MPDZ: variants seen among roughly 807,000 people sequenced by gnomAD.
MPDZ encodes the protein multiple PDZ domain crumbs cell polarity complex component.
MPDZ carries 234 observed loss-of-function variants against 239.1 expected under a neutral mutation model. That is an observed-to-expected ratio of 0.98 (90% confidence interval 0.88 to 1.09). The LOEUF is 1.09. MPDZ is among the 50% of genes least tolerant of loss of function. The probability of loss-of-function intolerance (pLI) is 0.00; values close to 1 mark genes in which losing one functional copy is unlikely to be tolerated. For synonymous variants in MPDZ, 1,048 were observed against 881.3 expected, an observed-to-expected ratio of 1.19 and a Z score of -3.35; for missense variants, 3,175 against 2,510.0, an observed-to-expected ratio of 1.26 and a Z score of -5.66.
chr9:13,200,483 T>C (rs1341710857), intron 12 of MPDZ, among the ~76,000 whole-genome samples: 3 of 152,062 alleles, frequency 2.0e-5, no homozygotes, highest in Non-Finnish European at 4.4e-5. Flanking sequence ...TGGTTTGTTC[T>C]TGCTCTTCTA....
intron 1 of MPDZ, among the ~76,000 whole-genome samples, chr9:13,261,784 C>T (rs982851966): frequency 4.7e-5 from 7 of 149,396 alleles, no homozygotes; most frequent in Non-Finnish European, 8.9e-5. Flanking sequence ...GTAAGCCCAG[C>T]ATTTTGAGAA....
In MPDZ at chr9:13,224,244, A is replaced by G. The variant is rs530351983; in HGVS notation, c.393+130T>C. 1.4e-5 allele frequency: 12 copies of G among 846,498 alleles called. No individual in the cohort carries two copies. The African/African-American group carries it at 1.9e-4, about 13-fold the overall frequency. The allele number at this position is 846,498 out of a possible 1,614,324, so 52.4% of individuals were successfully genotyped here. A position where few individuals can be genotyped will look rare whatever the true frequency, so the allele number is the denominator to read the frequency against. On this transcript the variant is annotated intron_variant, in intron 4 of 46. Transcript: ENST00000319217. ...CGTCTGAACCATCTAAACTCCCACA[A>G]AACTGACTTTTTGTTCCAATGTTTT...
chr9:13,139,806 T>G, intron 28 of MPDZ, 181 bp downstream of exon 28: 1 of 705,492 alleles, frequency 1.4e-6, no homozygotes, highest in Non-Finnish European at 2.5e-6. Context: ...AAGAGCATGA[T>G]TTCATGCCTC....
intron 35 of MPDZ, 86 bp from the exon 36 acceptor site, chr9:13,123,384 G>T: frequency 1.7e-6 from 2 of 1,176,144 alleles, no homozygotes; most frequent in Non-Finnish European, 1.2e-6. Flanking sequence ...TGACTCTGAG[G>T]GATGGGGCAG....
intron 1 of MPDZ, among the ~76,000 whole-genome samples, chr9:13,257,934 G>A (rs1048969470): frequency 3.9e-5 from 6 of 152,092 alleles, no homozygotes; most frequent in African/African-American, 1.4e-4. Flanking sequence ...GTACATGCTA[G>A]CTTAGAAATA....
At chr9:13,188,476 C>T (rs1315692107) in intron 17 of MPDZ, among the ~76,000 whole-genome samples, 5 of 152,066 alleles carry the variant, frequency 3.3e-5, no homozygotes, top group Non-Finnish European at 7.4e-5. Context: ...CGAGATTTCG[C>T]CACTGCACTC....
intron 30 of MPDZ, 105 bp from the exon 31 acceptor site, chr9:13,136,287 A>T: frequency 3.8e-6 from 2 of 523,274 alleles, no homozygotes; most frequent in Non-Finnish European, 3.2e-6. Flanking sequence ...AACCCCCAAA[A>T]CCTGGAACTG....
chr9:13,162,809 G>C lies in MPDZ; in HGVS notation c.3255-14C>G, dbSNP rs752020946. The C allele has an allele frequency of 2.6e-6, 4 of 1,554,704 alleles. No homozygotes were observed. The African/African-American group carries it at 5.4e-5, about 21-fold the overall frequency. On this transcript the variant is annotated splice_polypyrimidine_tract_variant and intron_variant, in intron 22 of 46. Transcript: ENST00000319217. ...ACATAAGTAATTCTGGAACAAACCAGAATCCATGGAAGTGAAGGGAAATAA... is the reference window on the plus strand; with the variant it reads ...ACATAAGTAATTCTGGAACAAACCACAATCCATGGAAGTGAAGGGAAATAA...
intron 39 of MPDZ, among the ~76,000 whole-genome samples, chr9:13,116,652 T>C (rs1586909653): frequency 6.6e-6 from 1 of 152,214 alleles, no homozygotes; most frequent in East Asian, 1.9e-4. Flanking sequence ...CGTTATTCAC[T>C]GTGTAATGTT....
chr9:13,184,154 T>C (rs2134555345), intron 18 of MPDZ, among the ~76,000 whole-genome samples: 1 of 152,168 alleles, frequency 6.6e-6, no homozygotes, highest in East Asian at 1.9e-4. Flanking sequence ...ATGATCTGGT[T>C]ATGGTGAAGC....
At chr9:13,180,560 CTAAAAACCATGT>C (rs1953154375) in intron 19 of MPDZ, among the ~76,000 whole-genome samples, 1 of 152,142 alleles carries the variant, frequency 6.6e-6, no homozygotes, top group African/African-American at 2.4e-5. Context: ...AAAAAATGTT[CTAAAAACCATGT>C]TAAAATTTTA....
chr9:13,145,790 C>G (rs1487220564), intron 26 of MPDZ, among the ~76,000 whole-genome samples: 2 of 151,854 alleles, frequency 1.3e-5, no homozygotes, highest in South Asian at 4.1e-4. Context: ...CAAGATCTTC[C>G]CGGCTCATTG....
chr9:13,270,328 G>A (rs1265035818), intron 1 of MPDZ, among the ~76,000 whole-genome samples: 1 of 152,096 alleles, frequency 6.6e-6, no homozygotes, highest in Admixed American at 6.5e-5. Context: ...ACCCAAAAAA[G>A]GCTGAGTGGT....
rs183464168 is a variant in MPDZ, at chr9:13,109,398, A to G, written c.5943-339T>C. 3.3e-5 allele frequency among the ~76,000 whole-genome samples: 5 copies of G among 152,276 alleles called. No homozygotes were observed. The East Asian group carries it at 7.8e-4, about 24-fold the overall frequency. On this transcript the variant is annotated intron_variant, in intron 45 of 46. Coordinates refer to ENST00000319217, the MANE Select transcript of MPDZ (RefSeq NM_001378778.1). ...TGAGAGGGCTAAAGTTCAGGGGACT[A>G]TATTAGAATAAGTCATAAACATCAG...
At chr9:13,193,903 G>A (rs946506627) in intron 13 of MPDZ, among the ~76,000 whole-genome samples, 6 of 152,104 alleles carry the variant, frequency 3.9e-5, no homozygotes, top group Admixed American at 3.9e-4. Context: ...TATAGTTAAG[G>A]CAACTGAGGG....
At chr9:13,164,845 C>T (rs893898103) in intron 22 of MPDZ, among the ~76,000 whole-genome samples, 2 of 152,134 alleles carry the variant, frequency 1.3e-5, no homozygotes, top group African/African-American at 4.8e-5. Flanking sequence ...CATGCTAGCA[C>T]AAGCCTGGTC....
chr9:13,156,989 G>C (rs1201013165), intron 24 of MPDZ, among the ~76,000 whole-genome samples: 4 of 152,124 alleles, frequency 2.6e-5, no homozygotes, highest in Non-Finnish European at 5.9e-5. Context: ...AGAAATTCAT[G>C]TTAGATGGCT....
At chr9:13,272,961 TA>T (rs1340398734) in intron 1 of MPDZ, among the ~76,000 whole-genome samples, 6 of 152,028 alleles carry the variant, frequency 3.9e-5, no homozygotes. Flanking sequence ...GTAATGGTAT[TA>T]GGGGGTGGGG....
chr9:13,129,689 C>A (rs1945666274), intron 32 of MPDZ, among the ~76,000 whole-genome samples: 1 of 151,842 alleles, frequency 6.6e-6, no homozygotes, highest in Admixed American at 6.6e-5. Flanking sequence ...GAATAGAAAA[C>A]AAATTAAGGA....
Sources: gnomAD v4.1 joint callset for allele counts (sites outside exome capture counted in the v4.1 genomes callset) on GRCh38, gnomAD v4.1.1 for gene constraint, MANE v1.5 for transcripts, NCBI Gene and HGNC (gene_info 2026-07-23, HGNC 2026-07-21) for gene names.